MAML3: variants seen among roughly 807,000 people sequenced by gnomAD.
The protein encoded by MAML3 is mastermind like transcriptional coactivator 3.
In MAML3, 27 loss-of-function variants were observed where a neutral mutation model predicts 101.9. The observed-to-expected ratio is 0.27, with a 90% CI of 0.20 to 0.37. The LOEUF (loss-of-function observed/expected upper bound fraction) is 0.37. MAML3 is among the 10% of genes least tolerant of loss of function. MAML3 has a pLI of 1.00. For synonymous variants in MAML3, 501 were observed against 555.9 expected, an observed-to-expected ratio of 0.90 and a Z score of 1.39; for missense variants, 1,316 against 1,444.9, an observed-to-expected ratio of 0.91 and a Z score of 1.45.
chr4:139,835,798 A>G (rs1336352603), intron 2 of MAML3, among the ~76,000 whole-genome samples: 1 of 152,224 alleles, frequency 6.6e-6, no homozygotes, highest in African/African-American at 2.4e-5. Flanking sequence ...TCTTCATACA[A>G]TGACAGAAGA....
At chr4:139,745,113 A>G (rs67620334) in intron 2 of MAML3, among the ~76,000 whole-genome samples, 10,292 of 152,216 alleles carry the variant, frequency 0.068, 546 homozygotes, top group East Asian at 0.26. Flanking sequence ...ATGGAAGTGT[A>G]GATTTGGATT....
rs1728654994 is a variant in MAML3 at position 139,730,439 on chromosome 4, GCT to G, written c.2306_2307del (p.Gln769ProfsTer93). 6.5e-7 allele frequency: 1 copy of G among 1,531,942 alleles called. No homozygotes were observed. The highest frequency in any genetic ancestry group is 1.4e-5 in the African/African-American group (1 of 72,664). 94.9% of individuals were successfully genotyped at this position (1,531,942 alleles called of 1,614,324 possible). A position where few individuals can be genotyped will look rare whatever the true frequency, so the allele number is the denominator to read the frequency against. ...ACCTGTTCCGCCAAAATCTGCTGCTGCTGCTGCTGCTGCTGCTGCCTTTGCTC... is the reference window on the plus strand; with the variant it reads ...ACCTGTTCCGCCAAAATCTGCTGCTGGCTGCTGCTGCTGCTGCCTTTGCTC... ...LREQRQQQQQ[Q>X]QQQILAEQQL... On this transcript the variant is annotated frameshift_variant, in exon 3 of 5. Transcript: ENST00000509479. LOFTEE classifies it high-confidence loss of function.
intron 1 of MAML3, among the ~76,000 whole-genome samples, chr4:140,056,465 C>G (rs1027065165): frequency 2.0e-5 from 3 of 151,350 alleles, no homozygotes; most frequent in African/African-American, 7.3e-5. Flanking sequence ...TCAAAAGATT[C>G]TCCTGCCTCA....
intron 1 of MAML3, among the ~76,000 whole-genome samples, chr4:140,114,481 G>A (rs553728325): frequency 3.9e-5 from 6 of 152,186 alleles, no homozygotes; most frequent in South Asian, 4.1e-4. Flanking sequence ...TTTAAATTAC[G>A]TAGCTGTATA....
chr4:139,782,746 C>G (rs1440214682), intron 2 of MAML3, among the ~76,000 whole-genome samples: 1 of 152,136 alleles, frequency 6.6e-6, no homozygotes, highest in South Asian at 2.1e-4. Context: ...GCACCCAGAA[C>G]CTGCAATGTC....
At chr4:139,760,905 T>C (rs1225251930) in intron 2 of MAML3, among the ~76,000 whole-genome samples, 3 of 152,226 alleles carry the variant, frequency 2.0e-5, no homozygotes, top group African/African-American at 4.8e-5. Context: ...AATTGTTATA[T>C]AGAAAAGAGA....
At chr4:140,098,711 G>A (rs1728200919) in intron 1 of MAML3, among the ~76,000 whole-genome samples, 1 of 152,256 alleles carries the variant, frequency 6.6e-6, no homozygotes, top group Admixed American at 6.5e-5. Flanking sequence ...CAAAGGCCAT[G>A]TGGCTACTGG....
At chr4:140,114,613 C>T (rs533920844) in intron 1 of MAML3, among the ~76,000 whole-genome samples, 2 of 152,328 alleles carry the variant, frequency 1.3e-5, no homozygotes, top group South Asian at 4.1e-4. Flanking sequence ...CGGGTGTATA[C>T]ACGTATGTCT....
intron 1 of MAML3, among the ~76,000 whole-genome samples, chr4:139,899,275 G>A (rs572765698): frequency 6.6e-6 from 1 of 152,186 alleles, no homozygotes; most frequent in African/African-American, 2.4e-5. Context: ...TGATACTCTG[G>A]GGGCTCTCAT....
chr4:140,070,792 T>G (rs1450599721), intron 1 of MAML3, among the ~76,000 whole-genome samples: 3 of 152,246 alleles, frequency 2.0e-5, no homozygotes, highest in Non-Finnish European at 4.4e-5. Flanking sequence ...CGAACTTGAT[T>G]GAGACTTGCA....
intron 1 of MAML3, among the ~76,000 whole-genome samples, chr4:139,903,665 A>G (rs1044252308): frequency 6.6e-6 from 1 of 152,232 alleles, no homozygotes. Flanking sequence ...AGTGGGCGCC[A>G]ATGTGATATG....
At position 139,890,079 on chromosome 4, in the gene MAML3, C is replaced by T. The variant is rs1260804828; in HGVS notation, c.1357G>A (p.Gly453Arg). 1.9e-6 allele frequency: 3 copies of T among 1,612,434 alleles called. No homozygotes were observed. The highest frequency in any genetic ancestry group is 1.7e-6 in the Non-Finnish European group (2 of 1,179,158). The change falls in exon 2 of 5, where the codon GGG (glycine) becomes AGG (arginine). Residue 453 changes from glycine to arginine, a missense_variant. By Grantham distance (125) the Gly-to-Arg change is moderately radical. Coordinates refer to ENST00000509479, the MANE Select transcript of MAML3 (RefSeq NM_018717.5). The surrounding 1 kb of genome is among the most constrained non-coding windows in gnomAD (Gnocchi z 4.1). ...AAVTVAGSASGPVAVPSSDMS... is the reference protein window; with the variant it reads ...AAVTVAGSASRPVAVPSSDMS... Reference sequence around the variant, plus strand: ...TCAGAGCTGGGCACAGCCACAGGCCCTGACGCTGAACCGGCCACTGTCACT... The same window carrying T: ...TCAGAGCTGGGCACAGCCACAGGCCTTGACGCTGAACCGGCCACTGTCACT...
chr4:139,912,180 T>A (rs1157350479), intron 1 of MAML3, among the ~76,000 whole-genome samples: 1 of 152,194 alleles, frequency 6.6e-6, no homozygotes, highest in Non-Finnish European at 1.5e-5. Flanking sequence ...AGGTGCTTGT[T>A]TTTGAGACAA....
intron 1 of MAML3, among the ~76,000 whole-genome samples, chr4:140,140,295 G>C (rs763441007): frequency 1.8e-4 from 28 of 152,228 alleles, no homozygotes; most frequent in African/African-American, 6.3e-4. Flanking sequence ...CTGCACTCCA[G>C]CCTGGGTGAC....
At chr4:139,799,531 A>T (rs931336399) in intron 2 of MAML3, among the ~76,000 whole-genome samples, 34 of 152,330 alleles carry the variant, frequency 2.2e-4, no homozygotes, top group African/African-American at 8.2e-4. Flanking sequence ...AAACCCAAAA[A>T]TCCAAGGAAG....
At chr4:139,756,238 C>T (rs540872787) in intron 2 of MAML3, among the ~76,000 whole-genome samples, 1 of 152,218 alleles carries the variant, frequency 6.6e-6, no homozygotes, top group Admixed American at 6.5e-5. Context: ...TCCCTCCACC[C>T]AATGAAAATG....
chr4:140,061,239 G>A (rs1335120993), intron 1 of MAML3, among the ~76,000 whole-genome samples: 1 of 152,054 alleles, frequency 6.6e-6, no homozygotes, highest in Non-Finnish European at 1.5e-5. Flanking sequence ...TACAGGAATC[G>A]GACTCAAAAG....
chr4:140,144,664 C>A (rs939215093), intron 1 of MAML3, among the ~76,000 whole-genome samples: 2 of 151,572 alleles, frequency 1.3e-5, no homozygotes, highest in African/African-American at 4.9e-5. Context: ...TTTCCAGGTA[C>A]AAACAATATA....
chr4:139,716,934 T>G lies in MAML3; in HGVS notation c.*2389A>C, dbSNP rs1440804207. On this transcript the variant is annotated 3_prime_UTR_variant, in exon 5 of 5. Coordinates refer to ENST00000509479, the MANE Select transcript of MAML3 (RefSeq NM_018717.5). ...ATAAAATGGAGCAAGTTGCCAGAGGTCATACAGTACAAATTAGTAATTAGA... is the reference window on the plus strand; with the variant it reads ...ATAAAATGGAGCAAGTTGCCAGAGGGCATACAGTACAAATTAGTAATTAGA... 6.6e-6 allele frequency: 1 copy of G among 152,594 alleles called. No homozygotes were observed. The highest frequency in any genetic ancestry group is 1.9e-4 in the East Asian group (1 of 5,184). The allele number at this position is 152,594 out of a possible 1,614,324, so 9.5% of individuals were successfully genotyped here.
Sources: allele counts gnomAD v4.1 joint callset (sites outside exome capture counted in the v4.1 genomes callset), GRCh38; gene constraint gnomAD v4.1.1; non-coding constraint Gnocchi (gnomAD v3.1); transcripts MANE v1.5; gene names NCBI Gene and HGNC (gene_info 2026-07-23, HGNC 2026-07-21).